CFHR2: variants seen among roughly 807,000 people sequenced by gnomAD.
CFHR2 encodes the protein complement factor H-related protein 2.
A neutral mutation model predicts 21.7 loss-of-function variants in CFHR2; 22 were observed. The observed-to-expected ratio is 1.01, with a 90% CI of 0.72 to 1.45. CFHR2 has a LOEUF of 1.45. Among genes scored for constraint, CFHR2 ranks in the 40% most tolerant of loss-of-function variants. The probability of loss-of-function intolerance (pLI) is 0.00; values close to 1 mark genes in which losing one functional copy is unlikely to be tolerated. For missense variants in CFHR2, 294 were observed against 293.3 expected (o/e 1.00, Z -0.02); for synonymous variants, 98 against 97.4 (o/e 1.01, Z -0.04).
chr1:196,947,193 G>T (rs1571482465), intron 1 of CFHR2, among the ~76,000 whole-genome samples: 3 of 152,180 alleles, frequency 2.0e-5, no homozygotes, highest in Admixed American at 2.0e-4. Flanking sequence ...CTATCAGAAT[G>T]TTGAGACAAG....
intron 3 of CFHR2, among the ~76,000 whole-genome samples, chr1:196,957,262 C>G (rs576690255): frequency 2.6e-5 from 4 of 151,960 alleles, no homozygotes; most frequent in African/African-American, 9.7e-5. Context: ...CACATGACAC[C>G]CTGCTGTGTC....
intron 3 of CFHR2, among the ~76,000 whole-genome samples, chr1:196,952,382 TA>T (rs1652638542): frequency 6.7e-6 from 1 of 148,378 alleles, no homozygotes; most frequent in South Asian, 2.1e-4. Flanking sequence ...ACTAGGGGAT[TA>T]AACATTATTA....
intron 1 of CFHR2, among the ~76,000 whole-genome samples, chr1:196,948,423 G>A (rs182605145): frequency 0.039 from 5,956 of 151,836 alleles, 406 homozygotes; most frequent in African/African-American, 0.14. Context: ...TTACAGGTGT[G>A]CACCACCACA....
intron 3 of CFHR2, among the ~76,000 whole-genome samples, chr1:196,953,239 C>G (rs1351841701): frequency 6.8e-6 from 1 of 146,082 alleles, no homozygotes; most frequent in Non-Finnish European, 1.5e-5. Flanking sequence ...CTACATCAGC[C>G]AAGATTATTT....
In CFHR2 at chr1:196,959,290, T is replaced by C. The variant is rs1233343633; in HGVS notation, c.*210T>C. The stretch of plus-strand genomic sequence containing the variant: ...AATCTAAGTAACAACCTAGGAATTG[T>C]CTTTTTTTTTCTTTTTAAAAAAATT... On this transcript the variant is annotated 3_prime_UTR_variant, in exon 5 of 5. Transcript: ENST00000367415. The C allele has an allele frequency of 1.3e-5, 6 of 455,400 alleles. No homozygotes were observed. The highest frequency in any genetic ancestry group is 4.0e-5 in the African/African-American group (2 of 49,972). 28.2% of individuals were successfully genotyped at this position (455,400 alleles called of 1,614,324 possible).
chr1:196,952,169 G>A (rs917713861), intron 3 of CFHR2, among the ~76,000 whole-genome samples: 2 of 152,146 alleles, frequency 1.3e-5, no homozygotes, highest in African/African-American at 4.8e-5. Context: ...TCAGCCACTG[G>A]TAAGTCTGAA....
chr1:196,952,330 A>G (rs1191324120), intron 3 of CFHR2, among the ~76,000 whole-genome samples: 1 of 152,196 alleles, frequency 6.6e-6, no homozygotes, highest in Non-Finnish European at 1.5e-5. Context: ...TGAAACTGTG[A>G]CAGTTTTTCA....
At chr1:196,947,986 C>A (rs575069397) in intron 1 of CFHR2, among the ~76,000 whole-genome samples, 10 of 152,066 alleles carry the variant, frequency 6.6e-5, no homozygotes, top group Admixed American at 2.0e-4. Context: ...AATATAAAGT[C>A]TTATAAAAAT....
At chr1:196,957,863 C>T (rs761126519) in intron 3 of CFHR2, 28 bp from the exon 4 acceptor site, 40 of 1,588,746 alleles carry the variant, frequency 2.5e-5, no homozygotes, top group Non-Finnish European at 3.2e-5. Context: ...TATTTACTCT[C>T]CCAGTAAATC....
At chr1:196,955,660 C>T (rs1330985836) in intron 3 of CFHR2, among the ~76,000 whole-genome samples, 5 of 152,006 alleles carry the variant, frequency 3.3e-5, no homozygotes, top group African/African-American at 1.2e-4. Context: ...ACTAGCCTGA[C>T]CCACATCGTG....
At chr1:196,956,732 T>G (rs1652896794) in intron 3 of CFHR2, among the ~76,000 whole-genome samples, 1 of 152,226 alleles carries the variant, frequency 6.6e-6, no homozygotes, top group Non-Finnish European at 1.5e-5. Flanking sequence ...TCAACATCTG[T>G]GTCTTCTTAG....
chr1:196,949,407 T>C lies in CFHR2; in HGVS notation c.59-48T>C, dbSNP rs747835461. On this transcript the variant is annotated intron_variant, in intron 1 of 4. Coordinates refer to ENST00000367415, the MANE Select transcript of CFHR2 (RefSeq NM_005666.4). ...GATTAAAATATAGTCTAGTGATTTA[T>C]TTATGTAGCTTATTATGTAATTCTT... The C allele has an allele frequency of 4.6e-6, 7 of 1,527,454 alleles. No homozygotes were observed. The East Asian group carries it at 6.8e-5, about 15-fold the overall frequency. 94.6% of individuals were successfully genotyped at this position (1,527,454 alleles called of 1,614,324 possible).
At chr1:196,951,792 A>G (rs987106032) in intron 3 of CFHR2, among the ~76,000 whole-genome samples, 2 of 152,136 alleles carry the variant, frequency 1.3e-5, no homozygotes, top group Non-Finnish European at 2.9e-5. Context: ...TGACATTATT[A>G]GTCTCAACTA....
At chr1:196,946,368 T>C (rs1160748744) in intron 1 of CFHR2, among the ~76,000 whole-genome samples, 1 of 152,214 alleles carries the variant, frequency 6.6e-6, no homozygotes, top group East Asian at 1.9e-4. Context: ...ACTAAATTTA[T>C]TTTAAACTTT....
At position 196,954,643 on chromosome 1, in the gene CFHR2, C is replaced by T. The variant is rs568072554; in HGVS notation, c.431-3248C>T. 2.0e-5 allele frequency among the ~76,000 whole-genome samples: 3 copies of T among 151,740 alleles called. No homozygotes were observed. The East Asian group carries it at 5.8e-4, about 29-fold the overall frequency. On this transcript the variant is annotated intron_variant, in intron 3 of 4. Coordinates refer to ENST00000367415, the MANE Select transcript of CFHR2 (RefSeq NM_005666.4). The stretch of plus-strand genomic sequence containing the variant: ...GAACATGCAGAAGTTTCCATACAAC[C>T]TCAGAAATCCAGGAAGAGGTTCCCA...
At chr1:196,950,711 G>A in intron 2 of CFHR2, 141 bp from the exon 3 acceptor site, 1 of 881,882 alleles carries the variant, frequency 1.1e-6, no homozygotes, top group East Asian at 2.6e-5. Context: ...GGCCTCAAAT[G>A]ATCCACTCAC....
At chr1:196,949,758 C>T (rs568907829) in intron 2 of CFHR2, 109 bp downstream of exon 2, 3 of 1,389,178 alleles carry the variant, frequency 2.2e-6, no homozygotes, top group Admixed American at 3.7e-5. Flanking sequence ...ACCAGAGGAG[C>T]TGGAAAGATG....
intron 3 of CFHR2, among the ~76,000 whole-genome samples, chr1:196,954,856 C>T (rs545777872): frequency 6.7e-4 from 102 of 152,336 alleles, no homozygotes; most frequent in African/African-American, 2.4e-3. Context: ...CGTGAGGCTG[C>T]ACACAGCAGC....
intron 3 of CFHR2, among the ~76,000 whole-genome samples, chr1:196,954,509 C>T (rs1004728406): frequency 1.3e-5 from 2 of 152,212 alleles, no homozygotes; most frequent in African/African-American, 4.8e-5. Flanking sequence ...CTAGGCAGTG[C>T]CTCAGTGGTG....
Sources: allele counts gnomAD v4.1 joint callset (sites outside exome capture counted in the v4.1 genomes callset), GRCh38; gene constraint gnomAD v4.1.1; transcripts MANE v1.5; gene names NCBI Gene and HGNC (gene_info 2026-07-23, HGNC 2026-07-21).